Variants in CUL9 observed in about 807,000 individuals in gnomAD.
The protein encoded by CUL9 is cullin 9.
CUL9 carries 79 observed loss-of-function variants against 272.6 expected under a neutral mutation model. That is an observed-to-expected ratio of 0.29 (90% confidence interval 0.24 to 0.35). The LOEUF (loss-of-function observed/expected upper bound fraction) is 0.35. Among genes scored for constraint, CUL9 ranks in the 10% least tolerant of loss-of-function variants. CUL9 has a pLI of 1.00. For synonymous variants in CUL9, 1,186 were observed against 1,286.5 expected (o/e 0.92, Z 1.67); for missense variants, 2,532 against 3,255.6 (o/e 0.78, Z 5.41).
chr6:43,191,252 T>TTTGTGTG (rs773987863), intron 8 of CUL9, among the ~76,000 whole-genome samples: 2 of 126,974 alleles, frequency 1.6e-5, no homozygotes, highest in African/African-American at 6.4e-5. Flanking sequence ...CTAAATTGCA[T>TTTGTGTG]TGTGTGTGTG....
chr6:43,197,109 C>T (rs576425753), intron 11 of CUL9, among the ~76,000 whole-genome samples: 226 of 152,096 alleles, frequency 1.5e-3, no homozygotes, highest in African/African-American at 5.1e-3. Context: ...TGCAGTGGCA[C>T]GATCTCGACT....
intron 2 of CUL9, 66 bp from the exon 3 acceptor site, chr6:43,185,390 T>A: frequency 6.4e-7 from 1 of 1,551,688 alleles, no homozygotes; most frequent in Non-Finnish European, 8.8e-7. Context: ...GGAGATAGAA[T>A]CTAGGAAAGG....
Position 43,215,340 on chromosome 6 carries a change from C to G in CUL9, c.5936+14C>G. On this transcript the variant is annotated intron_variant, in intron 30 of 40. Transcript: ENST00000252050. ...CTCCAAGCCCAGGTAGCCACTGCAC[C>G]TGACCCCTTGCAGTGAGGCGGGAGA... 1 of 1,594,232 alleles carries G rather than the reference C, an allele frequency of 6.3e-7. No homozygotes were observed. The highest frequency in any genetic ancestry group is 8.5e-7 in the Non-Finnish European group (1 of 1,171,048).
intron 1 of CUL9, 82 bp downstream of exon 1, chr6:43,182,331 T>C (rs954087428): frequency 6.6e-6 from 1 of 152,328 alleles, no homozygotes; most frequent in Non-Finnish European, 1.5e-5. Flanking sequence ...TCCATGGGGC[T>C]GACGAAGGGA....
intron 3 of CUL9, 39 bp from the exon 4 acceptor site, chr6:43,185,916 A>G (rs543872238): frequency 1.3e-6 from 2 of 1,555,130 alleles, no homozygotes; most frequent in African/African-American, 1.4e-5. Context: ...GGCTAAAGCC[A>G]GGAAGAGATG....
rs747856369 is a variant in CUL9, at chr6:43,216,252, C to A, written c.6031C>A (p.Arg2011Ser). ...AGAAGGGTTGATGAAGCAGACGGTG[C>A]GTCAGGTGCAGGAGACGCTGAACTT... Reference protein sequence around the residue: ...EVEGLMKQTVRQVQETLNLEP... With the variant: ...EVEGLMKQTVSQVQETLNLEP... The change falls in exon 31 of 41, where the codon CGT (arginine) becomes AGT (serine). Residue 2011 changes from arginine (R) to serine (S), a missense_variant. Coordinates refer to ENST00000252050, the MANE Select transcript of CUL9 (RefSeq NM_015089.4). 3 of 1,613,722 alleles carry A rather than the reference C, an allele frequency of 1.9e-6. No homozygotes were observed. Among genetic ancestry groups the A allele is most frequent in the Non-Finnish European group, 2.5e-6 (3 of 1,179,804 alleles).
At chr6:43,214,529 G>A (rs565859900) in intron 29 of CUL9, among the ~76,000 whole-genome samples, 44 of 150,874 alleles carry the variant, frequency 2.9e-4, no homozygotes, top group Non-Finnish European at 3.7e-4. Flanking sequence ...GGCCGGGCGC[G>A]GTGGCTCATG....
chr6:43,188,125 C>A lies in CUL9; in HGVS notation c.1987+7C>A. ...ATGAAGGAGGCAGCCAGTGGTGAGTCAGGTTCTGGGAGGAAGCAATTGGAA... is the reference window on the plus strand; with the variant it reads ...ATGAAGGAGGCAGCCAGTGGTGAGTAAGGTTCTGGGAGGAAGCAATTGGAA... On this transcript the variant is annotated splice_region_variant and intron_variant, in intron 7 of 40. Coordinates refer to ENST00000252050, the MANE Select transcript of CUL9 (RefSeq NM_015089.4). 6.2e-7 allele frequency: 1 copy of A among 1,613,294 alleles called. No homozygotes were observed. Among genetic ancestry groups the A allele is most frequent in the Non-Finnish European group, 8.5e-7 (1 of 1,180,002 alleles).
chr6:43,185,054 T>G (rs755419257), intron 2 of CUL9, 149 bp downstream of exon 2: 46 of 670,542 alleles, frequency 6.9e-5, no homozygotes, highest in Non-Finnish European at 1.0e-4. Flanking sequence ...ATTAATAGGC[T>G]ATTTCAGGTA....
At chr6:43,210,262 C>T (rs980297619) in intron 26 of CUL9, among the ~76,000 whole-genome samples, 1 of 152,222 alleles carries the variant, frequency 6.6e-6, no homozygotes, top group African/African-American at 2.4e-5. Flanking sequence ...AGGCGTGAGC[C>T]ACCATGCCTG....
chr6:43,218,310 G>A lies in CUL9; in HGVS notation c.6282+1807G>A, dbSNP rs1028472576. Among the ~76,000 whole-genome samples, 1 of 151,970 alleles carries A rather than the reference G, an allele frequency of 6.6e-6. No homozygotes were observed. Reference sequence around the variant, plus strand: ...CGGCTCATTGCAACCTCCATCTCCCGGGTTCAAGCGATTCTTCTGCCTCAG... The same window carrying A: ...CGGCTCATTGCAACCTCCATCTCCCAGGTTCAAGCGATTCTTCTGCCTCAG... On this transcript the variant is annotated intron_variant, in intron 31 of 40. Transcript: ENST00000252050. This position sits in a 1 kb window ranked among gnomAD's most constrained non-coding sequence, Gnocchi z 4.4.
At chr6:43,214,065 A>G (rs1775739119) in intron 29 of CUL9, among the ~76,000 whole-genome samples, 153 bp downstream of exon 29, 1 of 152,214 alleles carries the variant, frequency 6.6e-6, no homozygotes, top group African/African-American at 2.4e-5. Context: ...GACAGCAGAT[A>G]AAGATAAGGC....
In CUL9 at chr6:43,218,886, G is replaced by C; in HGVS notation, c.6283-1573G>C. Among the ~76,000 whole-genome samples the C allele has an allele frequency of 6.6e-6, 1 of 152,110 alleles. No individual in the cohort carries two copies. The highest frequency in any genetic ancestry group is 1.9e-4 in the East Asian group (1 of 5,188). On this transcript the variant is annotated intron_variant, in intron 31 of 40. Coordinates refer to ENST00000252050, the MANE Select transcript of CUL9 (RefSeq NM_015089.4). The surrounding 1 kb of genome is among the most constrained non-coding windows in gnomAD (Gnocchi z 4.4). ...GACAGTGGATTTTTGAATTTGGAAT[G>C]AAGCAGAGAGGCCTGGCAGGCCTTA... is the stretch of plus-strand genomic sequence containing the variant.
Position 43,223,117 on chromosome 6 carries a change from T to G in CUL9, c.7151-147T>G, listed in dbSNP as rs1776507020. The stretch of plus-strand genomic sequence containing the variant: ...ATGTTCGTGGATGTTTCTTGGTTTC[T>G]GGTCTTTACCCTGCTCCCCTAGGGA... On this transcript the variant is annotated intron_variant, in intron 38 of 40. Coordinates refer to ENST00000252050, the MANE Select transcript of CUL9 (RefSeq NM_015089.4). This position sits in a 1 kb window ranked among gnomAD's most constrained non-coding sequence, Gnocchi z 4.1. 8.2e-7 allele frequency: 1 copy of G among 1,213,328 alleles called. No homozygotes were observed. The highest frequency in any genetic ancestry group is 2.8e-5 in the Admixed American group (1 of 36,012). The allele number at this position is 1,213,328 out of a possible 1,614,324, so 75.2% of individuals were successfully genotyped here. A position where few individuals can be genotyped will look rare whatever the true frequency, so the allele number is the denominator to read the frequency against.
chr6:43,224,492 C>T lies in CUL9; in HGVS notation c.*47C>T, dbSNP rs546816909. On this transcript the variant is annotated 3_prime_UTR_variant, in exon 41 of 41. Coordinates refer to ENST00000252050, the MANE Select transcript of CUL9 (RefSeq NM_015089.4). This position sits in a 1 kb window ranked among gnomAD's most constrained non-coding sequence, Gnocchi z 4.2. ...CTAGAGCAGCCCCAGAGTCACGGGGCTGAGGGGGCGGGAGCTGCCCCTGTC... is the reference window on the plus strand; with the variant it reads ...CTAGAGCAGCCCCAGAGTCACGGGGTTGAGGGGGCGGGAGCTGCCCCTGTC... 5.0e-5 allele frequency: 79 copies of T among 1,565,322 alleles called. No individual in the cohort carries two copies. In the South Asian group the frequency reaches 8.9e-4, roughly 18 times the overall value.
chr6:43,208,954 C>T (rs903378477), intron 26 of CUL9, among the ~76,000 whole-genome samples: 2 of 151,898 alleles, frequency 1.3e-5, no homozygotes, highest in African/African-American at 4.8e-5. Flanking sequence ...AAGTGATCCT[C>T]CCATCTCAGT....
Position 43,203,247 on chromosome 6 carries a change from C to T in CUL9, c.3849+43C>T. 6.2e-7 allele frequency: 1 copy of T among 1,608,180 alleles called. No homozygotes were observed. Among genetic ancestry groups the T allele is most frequent in the African/African-American group, 1.3e-5 (1 of 74,892 alleles). On this transcript the variant is annotated intron_variant, in intron 18 of 40. Transcript: ENST00000252050. This position sits in a 1 kb window ranked among gnomAD's most constrained non-coding sequence, Gnocchi z 5.0. ...GCCAGGGCTGAGGAGGAGGAGGTGG[C>T]ACACAAGTTTCTCCTTGATCTGCTT...
In CUL9 at chr6:43,200,409, T is replaced by C. The variant is rs749099809; in HGVS notation, c.3385-27T>C. 1 of 1,614,096 alleles carries C rather than the reference T, an allele frequency of 6.2e-7. No individual in the cohort carries two copies. The highest frequency in any genetic ancestry group is 1.1e-5 in the South Asian group (1 of 91,078). On this transcript the variant is annotated intron_variant, in intron 14 of 40. Transcript: ENST00000252050. This position sits in a 1 kb window ranked among gnomAD's most constrained non-coding sequence, Gnocchi z 4.0. ...TCTGTGTTCCTCCCTCTCCTCTTCC[T>C]CATTCTCCCTGATGTTCCGGCTGCA...
intron 8 of CUL9, 58 bp downstream of exon 8, chr6:43,188,773 T>C: frequency 1.4e-6 from 2 of 1,405,496 alleles, no homozygotes; most frequent in East Asian, 4.7e-5. Context: ...AGGATGGTGG[T>C]AGCGGGGAAG....
Sources: allele counts gnomAD v4.1 joint callset (sites outside exome capture counted in the v4.1 genomes callset), GRCh38; gene constraint gnomAD v4.1.1; non-coding constraint Gnocchi (gnomAD v3.1); transcripts MANE v1.5; gene names NCBI Gene and HGNC (gene_info 2026-07-23, HGNC 2026-07-21).